Variants in BRF1 observed in about 807,000 individuals in gnomAD.
The protein encoded by BRF1 is BRF1 general transcription factor IIIB subunit, also known as transcription factor IIIB 90 kDa subunit.
In BRF1, 59 loss-of-function variants were observed where a neutral mutation model predicts 81.7. The observed-to-expected ratio is 0.72, with a 90% CI of 0.59 to 0.90. The LOEUF (loss-of-function observed/expected upper bound fraction) is 0.90, where lower values mean the gene tolerates loss of function less well. Among genes scored for constraint, BRF1 ranks in the 40% least tolerant of loss-of-function variants. The probability of loss-of-function intolerance (pLI) is 0.00; values close to 1 mark genes in which losing one functional copy is unlikely to be tolerated. For missense variants in BRF1, 1,050 were observed against 936.3 expected, an observed-to-expected ratio of 1.12 and a Z score of -1.58; for synonymous variants, 491 against 395.6, an observed-to-expected ratio of 1.24 and a Z score of -2.86.
intron 15 of BRF1, among the ~76,000 whole-genome samples, chr14:105,216,878 C>T (rs1473218044): frequency 6.6e-6 from 1 of 152,168 alleles, no homozygotes; most frequent in Non-Finnish European, 1.5e-5. Context: ...AGCCGCCAAC[C>T]CCATCTCCAC....
chr14:105,287,451 A>T (rs587646210), intron 1 of BRF1, among the ~76,000 whole-genome samples: 1 of 152,344 alleles, frequency 6.6e-6, no homozygotes, highest in East Asian at 1.9e-4. Context: ...TGGTTGGCAC[A>T]GGGGCCAGTG....
At chr14:105,249,267 C>G in intron 5 of BRF1, 1 of 1,564,036 alleles carries the variant, frequency 6.4e-7, no homozygotes, top group East Asian at 2.3e-5. Context: ...GGCGGCCCCT[C>G]TCGGAACGCG....
chr14:105,258,557 G>GCAA (rs1486129388), intron 3 of BRF1, among the ~76,000 whole-genome samples: 41 of 150,600 alleles, frequency 2.7e-4, no homozygotes, highest in Non-Finnish European at 4.9e-4. Context: ...CAACACTTTG[G>GCAA]GAGGCCGAGG....
intron 2 of BRF1, among the ~76,000 whole-genome samples, chr14:105,278,516 AGAG>A (rs2140432465): frequency 6.6e-6 from 1 of 152,320 alleles, no homozygotes; most frequent in South Asian, 2.1e-4. Flanking sequence ...GGAAAACACA[AGAG>A]TATCTTCAGA....
chr14:105,293,141 G>A (rs940254199), intron 1 of BRF1, among the ~76,000 whole-genome samples: 12 of 152,104 alleles, frequency 7.9e-5, no homozygotes, highest in Non-Finnish European at 1.5e-4. Flanking sequence ...CTAGAGCCCC[G>A]CCAGGAGGCC....
chr14:105,227,085 C>CA, intron 7 of BRF1: 1 of 285,438 alleles, frequency 3.5e-6, no homozygotes, highest in Non-Finnish European at 6.6e-6. Flanking sequence ...CACTGGCCTC[C>CA]AGCCTGGGCA....
intron 6 of BRF1, among the ~76,000 whole-genome samples, chr14:105,240,842 C>T (rs1358653437): frequency 8.9e-6 from 1 of 112,216 alleles, no homozygotes; most frequent in African/African-American, 3.7e-5. Context: ...CCACTATCCG[C>T]GTAGTCGCCC....
At chr14:105,228,756 C>T in intron 7 of BRF1, 64 bp downstream of exon 7, 1 of 1,577,546 alleles carries the variant, frequency 6.3e-7, no homozygotes. Flanking sequence ...CTCTGGCAAG[C>T]AGGCCTGAGC....
chr14:105,267,465 A>AT (rs113422074), intron 3 of BRF1, among the ~76,000 whole-genome samples: 32,109 of 147,328 alleles, frequency 0.22, 3,776 homozygotes, highest in Middle Eastern at 0.28. Context: ...CACCAGCTGG[A>AT]TTTTTTTTTT....
chr14:105,248,588 G>GGCGC, intron 5 of BRF1: 4 of 601,760 alleles, frequency 6.6e-6, no homozygotes, highest in Non-Finnish European at 8.1e-6. Flanking sequence ...CGGGCGGGCG[G>GGCGC]GACGGCGCCC....
At position 105,210,540 on chromosome 14, in the gene BRF1, G is replaced by A; in HGVS notation, c.*11C>T. The A allele has an allele frequency of 1.2e-6, 2 of 1,610,692 alleles. No homozygotes were observed. The highest frequency in any genetic ancestry group is 2.2e-5 in the South Asian group (2 of 91,024). On this transcript the variant is annotated 3_prime_UTR_variant, in exon 18 of 18. Transcript: ENST00000547530. This position sits in a 1 kb window ranked among gnomAD's most constrained non-coding sequence, Gnocchi z 4.7. ...CCCCTGCCAGGACATCACCTGCCTG[G>A]AGGCCACACTTCAGTAGCCGTCGTC...
chr14:105,223,175 A>G (rs1283703913), intron 10 of BRF1, among the ~76,000 whole-genome samples: 1 of 152,210 alleles, frequency 6.6e-6, no homozygotes, highest in Non-Finnish European at 1.5e-5. Flanking sequence ...TCTGGGTGAC[A>G]GAGTAAGACC....
intron 2 of BRF1, among the ~76,000 whole-genome samples, chr14:105,281,700 G>A (rs949908989): frequency 3.9e-5 from 6 of 152,064 alleles, no homozygotes; most frequent in East Asian, 3.8e-4. Flanking sequence ...ACTCTCTGCC[G>A]ATCCATTTTG....
At chr14:105,299,625 C>T (rs1392202227) in intron 1 of BRF1, among the ~76,000 whole-genome samples, 3 of 152,082 alleles carry the variant, frequency 2.0e-5, no homozygotes, top group South Asian at 2.1e-4. Flanking sequence ...AAAGAGGATT[C>T]GGGCATGGCA....
intron 15 of BRF1, among the ~76,000 whole-genome samples, chr14:105,215,851 G>GGC (rs1382324074): frequency 8.4e-6 from 1 of 118,866 alleles, no homozygotes; most frequent in Non-Finnish European, 1.7e-5. Flanking sequence ...CACAGACACA[G>GGC]GCACACACAC....
chr14:105,249,490 C>CTACTGGGGAGGGACGGGTGGGTCCGTTT, intron 5 of BRF1: 4 of 1,546,562 alleles, frequency 2.6e-6, no homozygotes, highest in Non-Finnish European at 3.6e-6. Flanking sequence ...TAAGTCCACT[C>CTACTGGGGAGGGACGGGTGGGTCCGTTT]TACTGGGGAG....
chr14:105,215,206 C>A (rs1890901557), intron 15 of BRF1, among the ~76,000 whole-genome samples: 1 of 151,434 alleles, frequency 6.6e-6, no homozygotes, highest in South Asian at 2.1e-4. Flanking sequence ...AGTTGAGAGA[C>A]TTAAGACACA....
intron 12 of BRF1, 158 bp downstream of exon 12, chr14:105,219,910 GT>G (rs1403095624): frequency 1.3e-6 from 1 of 751,218 alleles, no homozygotes; most frequent in Non-Finnish European, 2.2e-6. Flanking sequence ...GTGGGGGGGG[GT>G]CCCGGGAACA....
At chr14:105,282,922 G>A (rs2057167358) in intron 2 of BRF1, among the ~76,000 whole-genome samples, 1 of 152,012 alleles carries the variant, frequency 6.6e-6, no homozygotes, top group Non-Finnish European at 1.5e-5. Flanking sequence ...GACAGAGCGA[G>A]ACTCCATCTC....
Sources: allele counts gnomAD v4.1 joint callset (sites outside exome capture counted in the v4.1 genomes callset), GRCh38; gene constraint gnomAD v4.1.1; non-coding constraint Gnocchi (gnomAD v3.1); transcripts MANE v1.5; gene names NCBI Gene and HGNC (gene_info 2026-07-23, HGNC 2026-07-21).